PLD1: variants seen among roughly 807,000 people sequenced by gnomAD.
PLD1 encodes phospholipase D1, also known as choline phosphatase 1.
PLD1 carries 112 observed loss-of-function variants against 137.1 expected under a neutral mutation model. The ratio of observed to expected loss-of-function variants is 0.82; its 90% CI spans 0.70 to 0.96. The LOEUF (loss-of-function observed/expected upper bound fraction) is 0.96. PLD1 is among the 40% of genes least tolerant of loss of function. The pLI is 0.00. For synonymous variants in PLD1, 431 were observed against 454.7 expected, an observed-to-expected ratio of 0.95 and a Z score of 0.66; for missense variants, 1,321 against 1,342.0, an observed-to-expected ratio of 0.98 and a Z score of 0.24.
chr3:171,731,325 CA>C (rs1179973141), intron 6 of PLD1, among the ~76,000 whole-genome samples: 4 of 152,180 alleles, frequency 2.6e-5, no homozygotes, highest in Non-Finnish European at 5.9e-5. Flanking sequence ...ATTCCAATCT[CA>C]TTTCACAAAT....
intron 23 of PLD1, among the ~76,000 whole-genome samples, chr3:171,636,000 A>C (rs1331653634): frequency 1.2e-4 from 5 of 40,466 alleles, no homozygotes; most frequent in Admixed American, 6.5e-4. Context: ...TTTTTTTTGC[A>C]AGTGGATATC....
intron 23 of PLD1, among the ~76,000 whole-genome samples, chr3:171,626,441 C>T (rs1734114816): frequency 6.6e-6 from 1 of 152,144 alleles, no homozygotes; most frequent in African/African-American, 2.4e-5. Flanking sequence ...GGATATTATC[C>T]AGGAGAACTT....
rs149783580 is a variant in PLD1 at position 171,660,029 on chromosome 3, T to G, written c.2341-728A>C. On this transcript the variant is annotated intron_variant, in intron 20 of 26. Transcript: ENST00000351298. Reference sequence around the variant, plus strand: ...TATTTTGTTGCTGCATAAAGGAATGTGAAAAATTTGGTGCAAATATTACTA... The same window carrying G: ...TATTTTGTTGCTGCATAAAGGAATGGGAAAAATTTGGTGCAAATATTACTA... Among the ~76,000 whole-genome samples, 1,163 of 152,314 alleles carry G rather than the reference T, an allele frequency of 7.6e-3. 9 individuals carry two copies. The highest frequency in any genetic ancestry group is 0.027 in the African/African-American group (1,112 of 41,572).
At chr3:171,715,314 G>T (rs1221824189) in intron 8 of PLD1, among the ~76,000 whole-genome samples, 4 of 152,156 alleles carry the variant, frequency 2.6e-5, no homozygotes, top group Non-Finnish European at 5.9e-5. Context: ...TACTGGTCAT[G>T]TGTCTGTTTT....
chr3:171,699,641 C>T, intron 12 of PLD1, 104 bp downstream of exon 12: 1 of 800,058 alleles, frequency 1.2e-6, no homozygotes. Context: ...TTGTCAAACT[C>T]TAAAGTGAAA....
chr3:171,613,126 C>T (rs1436153240), intron 24 of PLD1, among the ~76,000 whole-genome samples: 1 of 152,204 alleles, frequency 6.6e-6, no homozygotes, highest in Non-Finnish European at 1.5e-5. Context: ...GCTGTAACTG[C>T]ACCACTGCAC....
At chr3:171,696,432 A>AT (rs1018638843) in intron 12 of PLD1, among the ~76,000 whole-genome samples, 12 of 152,128 alleles carry the variant, frequency 7.9e-5, no homozygotes, top group African/African-American at 1.9e-4. Context: ...AAAATATTCT[A>AT]TTTTTTCTTA....
intron 18 of PLD1, among the ~76,000 whole-genome samples, chr3:171,675,671 A>G (rs968146906): frequency 1.3e-5 from 2 of 152,168 alleles, no homozygotes; most frequent in Non-Finnish European, 2.9e-5. Flanking sequence ...TTGTTAAAAA[A>G]TTTCAATTAG....
chr3:171,775,979 T>C (rs1722578234), intron 1 of PLD1, among the ~76,000 whole-genome samples: 1 of 152,202 alleles, frequency 6.6e-6, no homozygotes. Flanking sequence ...AAAGCTAGGA[T>C]GCAAACGCAG....
chr3:171,808,934 C>T lies in PLD1; in HGVS notation c.-32+1465G>A, dbSNP rs544255903. ...CCGCCTCCCGGGTTCAAGCGATTCT[C>T]CTGCCTCAGCCTCCCGAGTGGCTGG... On this transcript the variant is annotated intron_variant, in intron 1 of 26. Transcript: ENST00000351298. Among the ~76,000 whole-genome samples the T allele has an allele frequency of 6.0e-5, 9 of 149,460 alleles. 1 individual carries two copies. The South Asian group carries it at 1.9e-3, about 32-fold the overall frequency.
At chr3:171,795,451 G>T (rs4243420) in intron 1 of PLD1, among the ~76,000 whole-genome samples, 1 of 152,158 alleles carries the variant, frequency 6.6e-6, no homozygotes, top group Admixed American at 6.5e-5. Context: ...TCCAATATTG[G>T]TTCCTTGTAT....
intron 11 of PLD1, among the ~76,000 whole-genome samples, chr3:171,707,640 C>T (rs771020643): frequency 2.9e-4 from 44 of 152,232 alleles, no homozygotes; most frequent in African/African-American, 9.6e-4. Context: ...GATTCCCAGC[C>T]GACAAGGATC....
chr3:171,713,825 A>C, intron 9 of PLD1, 68 bp downstream of exon 9: 1 of 1,357,288 alleles, frequency 7.4e-7, no homozygotes, highest in Non-Finnish European at 1.0e-6. Context: ...TTTTTTACTT[A>C]AGGTTGAGAA....
chr3:171,782,743 G>T (rs1175739160), intron 1 of PLD1, among the ~76,000 whole-genome samples: 1 of 152,124 alleles, frequency 6.6e-6, no homozygotes, highest in Admixed American at 6.5e-5. Context: ...TCAGAGTTTT[G>T]CTTTAAAGAG....
intron 1 of PLD1, among the ~76,000 whole-genome samples, chr3:171,750,910 T>C (rs550583289): frequency 1.3e-5 from 2 of 152,226 alleles, no homozygotes; most frequent in South Asian, 2.1e-4. Context: ...ATCAGGTAGA[T>C]CAATAATTAT....
intron 1 of PLD1, among the ~76,000 whole-genome samples, chr3:171,805,542 G>T (rs1453554897): frequency 6.6e-6 from 1 of 152,138 alleles, no homozygotes; most frequent in Non-Finnish European, 1.5e-5. Flanking sequence ...ACAATCAGGA[G>T]TTAAGGCCTG....
chr3:171,707,081 C>G (rs556813994), intron 11 of PLD1, among the ~76,000 whole-genome samples: 2 of 152,290 alleles, frequency 1.3e-5, no homozygotes, highest in South Asian at 2.1e-4. Context: ...AAACCGAATA[C>G]TACATGTTCT....
rs781181178 is a variant in PLD1 at position 171,687,431 on chromosome 3, G to C, written c.1693C>G (p.Gln565Glu). 36 of 1,614,038 alleles carry C rather than the reference G, an allele frequency of 2.2e-5. No homozygotes were observed. The highest frequency in any genetic ancestry group is 3.0e-5 in the Non-Finnish European group (35 of 1,180,024). The change falls in exon 15 of 27, where the codon CAG becomes GAG. Residue 565 changes from glutamine (Q) to glutamate (E), a missense_variant. Gln to Glu is a conservative substitution (Grantham distance 29). Transcript: ENST00000351298. ...RKFSKFSLYK[Q>E]LHRHHLHDAD... is the part of the protein sequence containing the mutation. Reference sequence around the variant, plus strand: ...TCGTGCAGGTGGTGCCTGTGGAGCTGCTTGTAGAGACTAAATTTGGAGAAC... The same window carrying C: ...TCGTGCAGGTGGTGCCTGTGGAGCTCCTTGTAGAGACTAAATTTGGAGAAC...
At chr3:171,642,534 A>G (rs1735850617) in intron 23 of PLD1, among the ~76,000 whole-genome samples, 1 of 148,680 alleles carries the variant, frequency 6.7e-6, no homozygotes, top group African/African-American at 2.6e-5. Flanking sequence ...CCAGTAGATA[A>G]AGAAGAACAA....
Sources: gnomAD v4.1 joint callset for allele counts (sites outside exome capture counted in the v4.1 genomes callset) on GRCh38, gnomAD v4.1.1 for gene constraint, MANE v1.5 for transcripts, NCBI Gene and HGNC (gene_info 2026-07-23, HGNC 2026-07-21) for gene names.